Variants in RTN1 observed in about 807,000 individuals in gnomAD.
The protein encoded by RTN1 is reticulon 1, also known as reticulon-1.
Under a neutral mutation model 65.5 loss-of-function variants are expected in RTN1, and 25 were observed. The observed-to-expected ratio is 0.38, with a 90% confidence interval of 0.28 to 0.53. RTN1 has a LOEUF of 0.53. RTN1 is among the 20% of genes least tolerant of loss of function. RTN1 has a pLI of 0.79. For missense variants in RTN1, 983 were observed against 1,025.4 expected (o/e 0.96, Z 0.57); for synonymous variants, 471 against 447.6 (o/e 1.05, Z -0.66).
At chr14:59,779,556 C>G (rs956185089) in intron 1 of RTN1, among the ~76,000 whole-genome samples, 1 of 151,780 alleles carries the variant, frequency 6.6e-6, no homozygotes, top group Non-Finnish European at 1.5e-5. Flanking sequence ...GCAAAGGGGA[C>G]AAGAGTCCCA....
intron 3 of RTN1, among the ~76,000 whole-genome samples, chr14:59,719,025 T>A (rs868154425): frequency 6.6e-6 from 1 of 152,184 alleles, no homozygotes; most frequent in Non-Finnish European, 1.5e-5. Flanking sequence ...GTCTTCCTGC[T>A]TCCATGCTTG....
intron 3 of RTN1, among the ~76,000 whole-genome samples, chr14:59,636,645 A>T (rs550871954): frequency 6.6e-6 from 1 of 152,202 alleles, no homozygotes; most frequent in South Asian, 2.1e-4. Flanking sequence ...TTCTTTAAAA[A>T]TTTTTATGCA....
chr14:59,852,924 C>T (rs1475680099), intron 1 of RTN1, among the ~76,000 whole-genome samples: 1 of 152,160 alleles, frequency 6.6e-6, no homozygotes, highest in Non-Finnish European at 1.5e-5. Context: ...TTTGTGTCAT[C>T]TATCCAACTT....
At chr14:59,860,252 C>T (rs1594770558) in intron 1 of RTN1, among the ~76,000 whole-genome samples, 2 of 152,330 alleles carry the variant, frequency 1.3e-5, no homozygotes, top group South Asian at 4.1e-4. Context: ...TCAGCCACTC[C>T]AGCCATGGCT....
chr14:59,670,120 T>C (rs1054294429), intron 3 of RTN1, among the ~76,000 whole-genome samples: 3 of 152,340 alleles, frequency 2.0e-5, no homozygotes, highest in East Asian at 3.9e-4. Flanking sequence ...TAAATCATCA[T>C]AGAAGGGAAA....
At chr14:59,647,235 CA>C (rs1882918140) in intron 3 of RTN1, among the ~76,000 whole-genome samples, 1 of 152,164 alleles carries the variant, frequency 6.6e-6, no homozygotes, top group African/African-American at 2.4e-5. Context: ...GGGTTCAATT[CA>C]ACAAGAAAAC....
chr14:59,827,376 C>T (rs1485457844), intron 1 of RTN1, among the ~76,000 whole-genome samples: 1 of 152,140 alleles, frequency 6.6e-6, no homozygotes, highest in Non-Finnish European at 1.5e-5. Flanking sequence ...CCGCGCCCCG[C>T]TGTATGTGGT....
rs1490307039 is a variant in RTN1, at chr14:59,846,946, A to G, written c.241+23444T>C. Among the ~76,000 whole-genome samples, 1 of 152,202 alleles carries G rather than the reference A, an allele frequency of 6.6e-6. No individual in the cohort carries two copies. The highest frequency in any genetic ancestry group is 1.5e-5 in the Non-Finnish European group (1 of 68,032). ...CTCTGTACCCCTTCATCACCATTCT[A>G]GAAACCTAGTGTCTGAGAGGAAAAA... On this transcript the variant is annotated intron_variant, in intron 1 of 8. Transcript: ENST00000267484. This position sits in a 1 kb window ranked among gnomAD's most constrained non-coding sequence, Gnocchi z 4.8.
chr14:59,832,131 T>C (rs1887135092), intron 1 of RTN1, among the ~76,000 whole-genome samples: 1 of 152,136 alleles, frequency 6.6e-6, no homozygotes, highest in Non-Finnish European at 1.5e-5. Context: ...CAAAATTAAA[T>C]GGATATGGAC....
At position 59,868,745 on chromosome 14, in the gene RTN1, T is replaced by C. The variant is rs7154266; in HGVS notation, c.241+1645A>G. Among the ~76,000 whole-genome samples, 8 of 152,202 alleles carry C rather than the reference T, an allele frequency of 5.3e-5. No individual in the cohort carries two copies. The highest frequency in any genetic ancestry group is 5.2e-4 in the Admixed American group (8 of 15,276). On this transcript the variant is annotated intron_variant, in intron 1 of 8. Transcript: ENST00000267484. This position sits in a 1 kb window ranked among gnomAD's most constrained non-coding sequence, Gnocchi z 4.0. ...CTTTTTCTAGTTCACATAATCTTAG[T>C]GGCACTAATAGGAGGTGGGTAATGT...
intron 3 of RTN1, among the ~76,000 whole-genome samples, chr14:59,703,929 A>G (rs980377401): frequency 6.6e-6 from 1 of 152,206 alleles, no homozygotes; most frequent in African/African-American, 2.4e-5. Context: ...ACTCATCAGC[A>G]ATGTGATTCC....
chr14:59,730,135 T>C (rs1884868725), intron 2 of RTN1, among the ~76,000 whole-genome samples: 1 of 152,226 alleles, frequency 6.6e-6, no homozygotes, highest in South Asian at 2.1e-4. Context: ...CACTTTTTTC[T>C]TGCTAGGACC....
chr14:59,739,393 C>T (rs7160560), intron 2 of RTN1, among the ~76,000 whole-genome samples: 70,611 of 151,826 alleles, frequency 0.47, 18,425 homozygotes, highest in African/African-American at 0.71. Context: ...ATACAAAAAT[C>T]AGCCAGGCAT....
At chr14:59,777,489 G>A (rs1430425395) in intron 1 of RTN1, among the ~76,000 whole-genome samples, 2 of 152,004 alleles carry the variant, frequency 1.3e-5, no homozygotes, top group Non-Finnish European at 2.9e-5. Flanking sequence ...CCTACTGCTG[G>A]CCCCTTCTTC....
rs189476248 is a variant in RTN1, at chr14:59,687,860, T to A, written c.1765+39059A>T. Among the ~76,000 whole-genome samples the A allele has an allele frequency of 5.1e-4, 77 of 152,154 alleles. No homozygotes were observed. In the South Asian group the frequency reaches 8.1e-3, roughly 16 times the overall value. On this transcript the variant is annotated intron_variant, in intron 3 of 8. Transcript: ENST00000267484. ...GCAGCCTGAGTCATCCTATCACTCA[T>A]GTGCAGAGATCTTGGTGAAGGGGGG...
At chr14:59,789,187 A>G (rs943245002) in intron 1 of RTN1, among the ~76,000 whole-genome samples, 1 of 151,728 alleles carries the variant, frequency 6.6e-6, no homozygotes, top group African/African-American at 2.4e-5. Flanking sequence ...GATTCTCTCA[A>G]GTTTTCTTGA....
chr14:59,848,470 G>C (rs12434240), intron 1 of RTN1, among the ~76,000 whole-genome samples: 33,668 of 152,182 alleles, frequency 0.22, 4,199 homozygotes, highest in East Asian at 0.56. Flanking sequence ...TAGCATGCTA[G>C]AGTTTTAAAA....
chr14:59,737,193 T>A (rs1323139868), intron 2 of RTN1, among the ~76,000 whole-genome samples: 1 of 152,054 alleles, frequency 6.6e-6, no homozygotes, highest in Non-Finnish European at 1.5e-5. Flanking sequence ...AGAAATAAAT[T>A]GTTTTCAGAT....
At chr14:59,787,561 C>A (rs913242466) in intron 1 of RTN1, among the ~76,000 whole-genome samples, 1 of 152,180 alleles carries the variant, frequency 6.6e-6, no homozygotes. Context: ...TTCTTCTATG[C>A]AGCTTTTACT....
Sources: gnomAD v4.1 joint callset for allele counts (sites outside exome capture counted in the v4.1 genomes callset) on GRCh38, gnomAD v4.1.1 for gene constraint, Gnocchi (gnomAD v3.1) non-coding constraint, MANE v1.5 for transcripts, NCBI Gene and HGNC (gene_info 2026-07-23, HGNC 2026-07-21) for gene names.